KAZN: variants seen among roughly 807,000 people sequenced by gnomAD.
KAZN encodes kazrin, periplakin interacting protein.
Under a neutral mutation model 87.4 loss-of-function variants are expected in KAZN, and 40 were observed. That is an observed-to-expected ratio of 0.46 (90% CI 0.36 to 0.60). KAZN has a LOEUF of 0.60. KAZN is among the 20% of genes least tolerant of loss of function. KAZN has a pLI of 0.00. For synonymous variants in KAZN, 466 were observed against 458.3 expected (o/e 1.02, Z -0.22); for missense variants, 898 against 1,073.9 (o/e 0.84, Z 2.29).
chr1:14,698,149 T>A (rs1373926106), intron 1 of KAZN, among the ~76,000 whole-genome samples: 2 of 152,348 alleles, frequency 1.3e-5, no homozygotes, highest in Middle Eastern at 3.4e-3. Context: ...GGTGTGAATT[T>A]CCATCTGCAA....
chr1:14,903,097 G>C (rs1237223632), intron 1 of KAZN, among the ~76,000 whole-genome samples: 2 of 151,994 alleles, frequency 1.3e-5, no homozygotes, highest in African/African-American at 4.8e-5. Context: ...TCAAACTCCT[G>C]ACCTCAAGTG....
At chr1:14,276,206 C>T (rs1652343110) in intron 2 of KAZN, among the ~76,000 whole-genome samples, 1 of 145,920 alleles carries the variant, frequency 6.9e-6, no homozygotes, top group African/African-American at 2.5e-5. Context: ...TGTGTGTATC[C>T]TTTATCAAGT....
chr1:15,112,691 T>C (rs1641693043), intron 14 of KAZN, 150 bp downstream of exon 14: 2 of 579,658 alleles, frequency 3.5e-6, no homozygotes, highest in Non-Finnish European at 6.3e-6. Context: ...ATGCCCTGGA[T>C]GTACCTTCAA....
chr1:14,684,016 C>T (rs536291026), intron 1 of KAZN, among the ~76,000 whole-genome samples: 1 of 152,200 alleles, frequency 6.6e-6, no homozygotes, highest in African/African-American at 2.4e-5. Flanking sequence ...CTTGTCTATC[C>T]CACTTTATTC....
At chr1:14,565,764 C>G (rs772019994) in intron 2 of KAZN, among the ~76,000 whole-genome samples, 6 of 152,202 alleles carry the variant, frequency 3.9e-5, no homozygotes, top group Non-Finnish European at 5.9e-5. Flanking sequence ...CTAGAAGCCA[C>G]TTTCTTTGCT....
chr1:14,461,508 C>T (rs1667850347), intron 2 of KAZN, among the ~76,000 whole-genome samples: 2 of 152,200 alleles, frequency 1.3e-5, no homozygotes, highest in South Asian at 4.1e-4. Context: ...AACTGTGAGT[C>T]CATCAAACCT....
chr1:13,997,173 TCAACAACAACAA>T lies in KAZN; in HGVS notation c.91+103428_91+103439del, dbSNP rs3031976. The stretch of plus-strand genomic sequence containing the variant: ...ACAAACAGCAAAAACAACACCATCA[TCAACAACAACAA>T]CAACAACAACCCCCACAAAAACCCC... On this transcript the variant is annotated intron_variant, in intron 1 of 16. Coordinates refer to the KAZN transcript ENST00000636203. 1.3e-5 allele frequency among the ~76,000 whole-genome samples: 2 copies of T among 151,248 alleles called. 1 individual carries two copies. The highest frequency in any genetic ancestry group is 4.2e-4 in the South Asian group (2 of 4,788).
chr1:14,129,544 G>T (rs1337511476), intron 1 of KAZN, among the ~76,000 whole-genome samples: 10 of 152,238 alleles, frequency 6.6e-5, no homozygotes, highest in Non-Finnish European at 1.5e-5. Context: ...ATGGGCTCCT[G>T]GTTGGCTGCC....
intron 3 of KAZN, among the ~76,000 whole-genome samples, chr1:15,041,331 CTTTTTTTT>C (rs71000360): frequency 1.3e-4 from 15 of 114,172 alleles, no homozygotes; most frequent in African/African-American, 5.3e-4. Flanking sequence ...CATTTTTTTT[CTTTTTTTT>C]TTTTTTTGTT....
At chr1:14,405,513 A>G (rs190423429) in intron 2 of KAZN, among the ~76,000 whole-genome samples, 1 of 152,054 alleles carries the variant, frequency 6.6e-6, no homozygotes, top group African/African-American at 2.4e-5. Context: ...CTAGAGTCCA[A>G]AAGACCTGCC....
At chr1:14,774,257 C>T (rs774795488) in intron 1 of KAZN, among the ~76,000 whole-genome samples, 2 of 152,002 alleles carry the variant, frequency 1.3e-5, no homozygotes, top group East Asian at 3.9e-4. Context: ...TTGGCAGGGT[C>T]GCCTCTGTGG....
intron 1 of KAZN, among the ~76,000 whole-genome samples, chr1:13,959,654 A>G (rs76716735): frequency 0.036 from 5,409 of 152,192 alleles, 283 homozygotes; most frequent in East Asian, 0.13. Flanking sequence ...GCGCCTATGC[A>G]TCCTTCAGTT....
intron 1 of KAZN, among the ~76,000 whole-genome samples, chr1:14,752,981 T>C (rs928120278): frequency 2.0e-5 from 3 of 152,202 alleles, no homozygotes; most frequent in Admixed American, 6.5e-5. Flanking sequence ...AGGATCATTT[T>C]ATCTCAATGC....
At chr1:14,217,673 T>C (rs1209097244) in intron 2 of KAZN, among the ~76,000 whole-genome samples, 4 of 152,142 alleles carry the variant, frequency 2.6e-5, no homozygotes, top group Admixed American at 6.5e-5. Flanking sequence ...AACAATTGTT[T>C]AAATTACATA....
chr1:14,153,378 T>C (rs1208749711), intron 1 of KAZN, among the ~76,000 whole-genome samples: 1 of 152,208 alleles, frequency 6.6e-6, no homozygotes, highest in African/African-American at 2.4e-5. Context: ...TCGTATATGT[T>C]GAGAGATAGG....
At chr1:14,018,435 T>C (rs1640670341) in intron 1 of KAZN, among the ~76,000 whole-genome samples, 2 of 152,136 alleles carry the variant, frequency 1.3e-5, no homozygotes, top group African/African-American at 4.8e-5. Flanking sequence ...TTGGGAGACA[T>C]GGTAGAAAAA....
intron 2 of KAZN, among the ~76,000 whole-genome samples, chr1:14,503,664 C>T (rs747957585): frequency 6.6e-5 from 10 of 151,438 alleles, no homozygotes; most frequent in Non-Finnish European, 1.2e-4. Flanking sequence ...GGACATTCAC[C>T]GTCTCCCATG....
chr1:14,080,988 C>T (rs559024198), intron 1 of KAZN, among the ~76,000 whole-genome samples: 2 of 152,236 alleles, frequency 1.3e-5, no homozygotes, highest in East Asian at 1.9e-4. Flanking sequence ...GATGTGTTAA[C>T]AGTTTGAGAC....
At chr1:14,677,213 G>A (rs79141939) in intron 1 of KAZN, among the ~76,000 whole-genome samples, 9,936 of 152,216 alleles carry the variant, frequency 0.065, 426 homozygotes, top group Non-Finnish European at 0.094. Flanking sequence ...GGCTATTAAG[G>A]GGCTGCCTGG....
Sources: allele counts gnomAD v4.1 joint callset (sites outside exome capture counted in the v4.1 genomes callset), GRCh38; gene constraint gnomAD v4.1.1; transcripts MANE v1.5; gene names NCBI Gene and HGNC (gene_info 2026-07-23, HGNC 2026-07-21).